Variants in USP32 observed in about 807,000 individuals in gnomAD.
The protein encoded by USP32 is ubiquitin carboxyl-terminal hydrolase 32.
Under a neutral mutation model 204.8 loss-of-function variants are expected in USP32, and 59 were observed. That is an observed-to-expected ratio of 0.29 (90% CI 0.23 to 0.36). USP32 has a LOEUF of 0.36. Among genes scored for constraint, USP32 ranks in the 10% least tolerant of loss-of-function variants. The probability of loss-of-function intolerance (pLI) is 1.00; values close to 1 mark genes in which losing one functional copy is unlikely to be tolerated. For missense variants in USP32, 1,160 were observed against 1,946.4 expected (o/e 0.60, Z 7.60); for synonymous variants, 517 against 678.4 (o/e 0.76, Z 3.70).
At position 60,294,608 on chromosome 17, in the gene USP32, C is replaced by G. The variant is rs1331122914; in HGVS notation, c.411+75G>C. 1.5e-5 allele frequency: 14 copies of G among 925,808 alleles called. No homozygotes were observed. In the East Asian group the frequency reaches 3.4e-4, roughly 23 times the overall value. 57.3% of individuals were successfully genotyped at this position (925,808 alleles called of 1,614,324 possible). On this transcript the variant is annotated intron_variant, in intron 4 of 33. Coordinates refer to ENST00000300896, the MANE Select transcript of USP32 (RefSeq NM_032582.4). ...TGCACATAAACATCTGTTTGTCATA[C>G]TTAAAACTTATTACACAACTAAGAG...
intron 26 of USP32, among the ~76,000 whole-genome samples, chr17:60,203,244 T>C (rs2084726198): frequency 6.6e-6 from 1 of 150,888 alleles, no homozygotes; most frequent in Non-Finnish European, 1.5e-5. Flanking sequence ...CTACTAAAAA[T>C]ACAAAAATTA....
intron 1 of USP32, among the ~76,000 whole-genome samples, chr17:60,408,781 T>C (rs2143064245): frequency 6.6e-6 from 1 of 152,240 alleles, no homozygotes; most frequent in South Asian, 2.1e-4. Context: ...GAAGCAAGCA[T>C]GCAACGATAG....
intron 2 of USP32, among the ~76,000 whole-genome samples, chr17:60,322,279 G>A (rs1356529707): frequency 1.3e-5 from 2 of 151,992 alleles, no homozygotes; most frequent in African/African-American, 4.8e-5. Flanking sequence ...CTCAGTAGCT[G>A]GGACTACACG....
At chr17:60,364,506 A>G (rs996659357) in intron 1 of USP32, among the ~76,000 whole-genome samples, 2 of 152,136 alleles carry the variant, frequency 1.3e-5, no homozygotes, top group Admixed American at 1.3e-4. Context: ...CAGCCTCCCA[A>G]GTAGCTCAGA....
chr17:60,401,087 T>C (rs1598317978), intron 1 of USP32, among the ~76,000 whole-genome samples: 1 of 149,348 alleles, frequency 6.7e-6, no homozygotes, highest in African/African-American at 2.5e-5. Context: ...ACCGGGGAGG[T>C]AGAGGTTGCA....
chr17:60,293,288 C>T (rs150612998), intron 4 of USP32, among the ~76,000 whole-genome samples: 5 of 151,992 alleles, frequency 3.3e-5, no homozygotes, highest in African/African-American at 7.2e-5. Context: ...CTGCATAAAC[C>T]GTATTAAAAT....
At chr17:60,310,480 C>T (rs949904528) in intron 2 of USP32, among the ~76,000 whole-genome samples, 10 of 152,000 alleles carry the variant, frequency 6.6e-5, no homozygotes, top group South Asian at 2.1e-4. Context: ...GTGGGCAGAT[C>T]ATGAGGCGAA....
At chr17:60,279,605 G>A (rs918022392) in intron 5 of USP32, among the ~76,000 whole-genome samples, 36 of 152,122 alleles carry the variant, frequency 2.4e-4, no homozygotes, top group African/African-American at 7.2e-4. Context: ...GGGAGGCTGA[G>A]GCAGGTAGAT....
rs111525421 is a variant in USP32, at chr17:60,334,623, C to T, written c.186+10858G>A. ...AGGAGAATGGCCTGAACCCGGGAGG[C>T]GGAGCTTGCAGTGAGCCGAGATCGC... On this transcript the variant is annotated intron_variant, in intron 2 of 33. Transcript: ENST00000300896. Among the ~76,000 whole-genome samples the T allele has an allele frequency of 3.5e-5, 5 of 143,262 alleles. 1 individual carries two copies. The highest frequency in any genetic ancestry group is 1.5e-4 in the African/African-American group (5 of 33,764). 94.0% of individuals were successfully genotyped at this position (143,262 alleles called of 152,430 possible).
chr17:60,269,880 A>G (rs1304936138), intron 6 of USP32, among the ~76,000 whole-genome samples: 1 of 152,184 alleles, frequency 6.6e-6, no homozygotes, highest in African/African-American at 2.4e-5. Flanking sequence ...AAAGGTCAGA[A>G]ATTGCAACAA....
intron 1 of USP32, among the ~76,000 whole-genome samples, chr17:60,370,754 GCTA>G (rs1387090052): frequency 2.2e-5 from 3 of 137,118 alleles, no homozygotes; most frequent in African/African-American, 8.7e-5. Flanking sequence ...AGAGTGAAAT[GCTA>G]CTGTCTCAAA....
chr17:60,309,295 A>T (rs757679223), intron 2 of USP32, among the ~76,000 whole-genome samples: 14 of 152,120 alleles, frequency 9.2e-5, no homozygotes, highest in Non-Finnish European at 1.3e-4. Flanking sequence ...ACTAGCAAAA[A>T]AACAAAACAA....
intron 1 of USP32, among the ~76,000 whole-genome samples, chr17:60,351,177 T>C (rs1185285289): frequency 2.6e-5 from 4 of 151,836 alleles, no homozygotes; most frequent in African/African-American, 9.7e-5. Context: ...TGGTTCAAAG[T>C]CTATGAGGAG....
chr17:60,412,182 T>C (rs922259733), intron 1 of USP32, among the ~76,000 whole-genome samples: 2 of 152,100 alleles, frequency 1.3e-5, no homozygotes, highest in African/African-American at 4.8e-5. Context: ...TGCCCGATGA[T>C]GATAATTGCC....
intron 1 of USP32, among the ~76,000 whole-genome samples, chr17:60,385,257 C>T (rs965379803): frequency 6.6e-6 from 1 of 152,154 alleles, no homozygotes; most frequent in African/African-American, 2.4e-5. Flanking sequence ...TTTCCACTAC[C>T]CACCCAAATC....
intron 1 of USP32, among the ~76,000 whole-genome samples, chr17:60,415,757 A>C (rs2090055978): frequency 6.6e-6 from 1 of 152,176 alleles, no homozygotes; most frequent in Admixed American, 6.5e-5. Flanking sequence ...GAGTCTTTAT[A>C]CAATTCTAAT....
intron 12 of USP32, among the ~76,000 whole-genome samples, chr17:60,235,257 G>A (rs905851864): frequency 1.3e-5 from 2 of 152,128 alleles, no homozygotes; most frequent in African/African-American, 2.4e-5. Flanking sequence ...AATAATGACT[G>A]ATGCTGTACC....
chr17:60,212,163 T>C, intron 18 of USP32, 65 bp from the exon 19 acceptor site: 1 of 1,360,674 alleles, frequency 7.3e-7, no homozygotes, highest in Non-Finnish European at 1.0e-6. Flanking sequence ...TCGATTGCTT[T>C]TTTTTTTTAA....
intron 2 of USP32, among the ~76,000 whole-genome samples, chr17:60,341,635 CT>C (rs2088660561): frequency 6.6e-6 from 1 of 152,104 alleles, no homozygotes; most frequent in Non-Finnish European, 1.5e-5. Context: ...TGTCTTCTTG[CT>C]TTATTTCATT....
Sources: allele counts gnomAD v4.1 joint callset (sites outside exome capture counted in the v4.1 genomes callset), GRCh38; gene constraint gnomAD v4.1.1; transcripts MANE v1.5; gene names NCBI Gene and HGNC (gene_info 2026-07-23, HGNC 2026-07-21).